The following DPYD variants were observed in gnomAD, a reference collection of about 807,000 sequenced individuals.
DPYD encodes dihydropyrimidine dehydrogenase [NADP(+)].
In DPYD, 109 loss-of-function variants were observed where a neutral mutation model predicts 116.2. The observed-to-expected ratio is 0.94, with a 90% confidence interval of 0.80 to 1.10. The LOEUF is 1.10. Among genes scored for constraint, DPYD ranks in the 50% least tolerant of loss-of-function variants. DPYD has a pLI of 0.00. For missense variants in DPYD, 1,302 were observed against 1,254.5 expected, an observed-to-expected ratio of 1.04 and a Z score of -0.57; for synonymous variants, 440 against 432.0, an observed-to-expected ratio of 1.02 and a Z score of -0.23.
chr1:97,370,055 G>A lies in DPYD; in HGVS notation c.2058+3506C>T, dbSNP rs192450825. ...GCATTTGGGTTGGTTCCAAGTCTTC[G>A]CTATGTAAATAGTGCTGCAATAAAC... On this transcript the variant is annotated intron_variant, in intron 16 of 22. Transcript: ENST00000370192. 7.1e-4 allele frequency among the ~76,000 whole-genome samples: 108 copies of A among 152,152 alleles called. 1 individual carries two copies. The highest frequency in any genetic ancestry group is 2.4e-3 in the African/African-American group (100 of 41,512).
At chr1:97,323,309 T>C (rs1415710635) in intron 16 of DPYD, among the ~76,000 whole-genome samples, 1 of 146,248 alleles carries the variant, frequency 6.8e-6, no homozygotes, top group Non-Finnish European at 1.5e-5. Context: ...TATGTACACG[T>C]ATATATACAT....
intron 18 of DPYD, among the ~76,000 whole-genome samples, chr1:97,277,142 T>TG (rs1664982687): frequency 6.6e-6 from 1 of 151,918 alleles, no homozygotes; most frequent in Non-Finnish European, 1.5e-5. Flanking sequence ...CGTTTATAAG[T>TG]GGGAGCTAAA....
chr1:97,404,172 T>C (rs59743460), intron 14 of DPYD, among the ~76,000 whole-genome samples: 28,970 of 151,848 alleles, frequency 0.19, 2,873 homozygotes, highest in South Asian at 0.36. Flanking sequence ...ATGATTTCTG[T>C]CCTTTTAAAA....
At chr1:97,911,412 T>G (rs1391710150) in intron 1 of DPYD, among the ~76,000 whole-genome samples, 1 of 152,034 alleles carries the variant, frequency 6.6e-6, no homozygotes, top group Non-Finnish European at 1.5e-5. Context: ...ATGTCTGGAG[T>G]CTGGGTTGCA....
Position 97,096,066 on chromosome 1 carries a change from T to G in DPYD, c.2766+2423A>C, listed in dbSNP as rs1245114438. ...ATTTCACTCTGGATAACCTCCAAAG[T>G]AAGACAACTTAGGAGAGGAACATAA... On this transcript the variant is annotated intron_variant, in intron 21 of 22. Coordinates refer to ENST00000370192, the MANE Select transcript of DPYD (RefSeq NM_000110.4). The G allele has an allele frequency of 8.5e-5, 13 of 152,212 alleles. 1 individual carries two copies. 9.4% of individuals were successfully genotyped at this position (152,212 alleles called of 1,614,324 possible).
intron 3 of DPYD, among the ~76,000 whole-genome samples, chr1:97,752,485 G>A (rs549922796): frequency 9.2e-5 from 14 of 152,180 alleles, no homozygotes; most frequent in African/African-American, 2.9e-4. Flanking sequence ...TAAAATCCCT[G>A]TCTGATCACG....
At chr1:97,547,039 G>T (rs1570938285) in intron 12 of DPYD, 1 of 1,037,920 alleles carries the variant, frequency 9.6e-7, no homozygotes, top group Non-Finnish European at 1.5e-6. Context: ...TCATAAACCA[G>T]AAACAGTACA....
chr1:97,166,454 A>T (rs987731588), intron 20 of DPYD, among the ~76,000 whole-genome samples: 5 of 152,268 alleles, frequency 3.3e-5, no homozygotes, highest in Admixed American at 3.3e-4. Flanking sequence ...AGAAAAAATA[A>T]CTATTGGGTA....
intron 5 of DPYD, among the ~76,000 whole-genome samples, chr1:97,708,270 T>G (rs769427927): frequency 6.6e-6 from 1 of 152,140 alleles, no homozygotes; most frequent in African/African-American, 2.4e-5. Context: ...CTTCAAAGAG[T>G]TCTGTAGTTT....
chr1:97,427,404 G>A (rs1306299494), intron 14 of DPYD, among the ~76,000 whole-genome samples: 2 of 151,878 alleles, frequency 1.3e-5, no homozygotes, highest in Non-Finnish European at 2.9e-5. Context: ...TATACCTTCA[G>A]CACATACAGG....
intron 2 of DPYD, among the ~76,000 whole-genome samples, chr1:97,832,816 T>A (rs1003580339): frequency 2.0e-5 from 3 of 152,112 alleles, no homozygotes; most frequent in Non-Finnish European, 2.9e-5. Context: ...TATAAAAGTA[T>A]AATGAAACAA....
intron 8 of DPYD, among the ~76,000 whole-genome samples, chr1:97,633,299 C>T (rs551384429): frequency 9.9e-5 from 15 of 152,046 alleles, no homozygotes; most frequent in Non-Finnish European, 2.1e-4. Context: ...AGCAAGCAAT[C>T]TTAAGGCCCC....
chr1:97,905,134 C>G (rs1044011533), intron 1 of DPYD, among the ~76,000 whole-genome samples: 1 of 151,962 alleles, frequency 6.6e-6, no homozygotes, highest in African/African-American at 2.4e-5. Context: ...TAACTGAGAA[C>G]TAGACTAGAA....
chr1:97,425,759 G>A (rs1255872332), intron 14 of DPYD, among the ~76,000 whole-genome samples: 1 of 151,836 alleles, frequency 6.6e-6, no homozygotes, highest in Non-Finnish European at 1.5e-5. Context: ...CCCTGCATAG[G>A]ATTGTAAACA....
At chr1:97,878,861 T>C (rs1175952521) in intron 2 of DPYD, among the ~76,000 whole-genome samples, 1 of 152,006 alleles carries the variant, frequency 6.6e-6, no homozygotes, top group Non-Finnish European at 1.5e-5. Context: ...GCAAGGCCTA[T>C]GTCACATAAA....
chr1:97,284,254 A>AT (rs1447854030), intron 18 of DPYD, among the ~76,000 whole-genome samples: 1 of 152,026 alleles, frequency 6.6e-6, no homozygotes, highest in Non-Finnish European at 1.5e-5. Flanking sequence ...TAATGGAACT[A>AT]TTTTTAATAG....
chr1:97,635,972 A>G (rs1260738098), intron 8 of DPYD, among the ~76,000 whole-genome samples: 3 of 151,972 alleles, frequency 2.0e-5, no homozygotes, highest in Admixed American at 6.6e-5. Flanking sequence ...GGCATGCATC[A>G]CCATGCCCAG....
intron 15 of DPYD, among the ~76,000 whole-genome samples, chr1:97,378,957 G>GA (rs1192911349): frequency 6.6e-6 from 1 of 152,124 alleles, no homozygotes; most frequent in African/African-American, 2.4e-5. Flanking sequence ...CCTCTTTAAG[G>GA]AAAAAACAAT....
intron 19 of DPYD, among the ~76,000 whole-genome samples, chr1:97,232,698 G>T (rs1202961433): frequency 2.0e-5 from 3 of 151,854 alleles, no homozygotes; most frequent in Admixed American, 2.0e-4. Flanking sequence ...TTACTATTGA[G>T]CACATCAGCT....
Sources: allele counts gnomAD v4.1 joint callset (sites outside exome capture counted in the v4.1 genomes callset), GRCh38; gene constraint gnomAD v4.1.1; transcripts MANE v1.5; gene names NCBI Gene and HGNC (gene_info 2026-07-23, HGNC 2026-07-21).